The following PRKN variants were observed in gnomAD, a reference collection of about 807,000 sequenced individuals.
PRKN encodes the protein parkin RBR E3 ubiquitin protein ligase.
In PRKN, 56 loss-of-function variants were observed where a neutral mutation model predicts 59.5. That is an observed-to-expected ratio of 0.94 (90% CI 0.76 to 1.18). PRKN has a LOEUF of 1.18. PRKN is among the 50% of genes most tolerant of loss of function. PRKN has a pLI of 0.00. For synonymous variants in PRKN, 250 were observed against 222.1 expected, an observed-to-expected ratio of 1.13 and a Z score of -1.12; for missense variants, 657 against 596.4, an observed-to-expected ratio of 1.10 and a Z score of -1.06.
intron 7 of PRKN, among the ~76,000 whole-genome samples, chr6:161,635,192 C>A (rs1316690918): frequency 3.3e-5 from 5 of 152,198 alleles, no homozygotes; most frequent in Admixed American, 1.3e-4. Context: ...TTTCTGGTTT[C>A]TAATCCAGAT....
At chr6:161,950,232 C>G (rs1378427391) in intron 6 of PRKN, among the ~76,000 whole-genome samples, 1 of 152,146 alleles carries the variant, frequency 6.6e-6, no homozygotes, top group East Asian at 1.9e-4. Flanking sequence ...CATGAATGGA[C>G]CCAACCATAT....
intron 1 of PRKN, among the ~76,000 whole-genome samples, chr6:162,501,691 T>C (rs190202690): frequency 1.3e-5 from 2 of 152,102 alleles, no homozygotes; most frequent in African/African-American, 4.8e-5. Flanking sequence ...CTCTGGAATA[T>C]GTTTACAAGG....
chr6:162,644,399 A>G (rs1484697561), intron 1 of PRKN, among the ~76,000 whole-genome samples: 1 of 152,180 alleles, frequency 6.6e-6, no homozygotes, highest in Non-Finnish European at 1.5e-5. Context: ...ATTCTGTCTT[A>G]TACTCAGTAT....
At chr6:162,235,961 G>GAAAGAAAGAAAGAAAGAAAGAAAGAA (rs1778661194) in intron 3 of PRKN, among the ~76,000 whole-genome samples, 1 of 54,356 alleles carries the variant, frequency 1.8e-5, no homozygotes, top group African/African-American at 9.0e-5. Context: ...AAGAAAGGAA[G>GAAAGAAAGAAAGAAAGAAAGAAAGAA]AAAGAAAGAA....
intron 2 of PRKN, among the ~76,000 whole-genome samples, chr6:162,298,473 C>A (rs1417989616): frequency 1.3e-5 from 2 of 151,868 alleles, no homozygotes; most frequent in African/African-American, 2.4e-5. Context: ...GTACTGTTTT[C>A]TTCTGGAATC....
intron 4 of PRKN, among the ~76,000 whole-genome samples, chr6:162,123,435 T>C (rs796750920): frequency 2.8e-4 from 43 of 152,360 alleles, no homozygotes; most frequent in African/African-American, 7.9e-4. Context: ...GAATACAGTG[T>C]AAATATAGGT....
Position 161,362,605 on chromosome 6 carries a change from A to G in PRKN, c.1168-2400T>C, listed in dbSNP as rs1265043389. Among the ~76,000 whole-genome samples, 1 of 152,266 alleles carries G rather than the reference A, an allele frequency of 6.6e-6. No homozygotes were observed. Among genetic ancestry groups the G allele is most frequent in the Admixed American group, 6.5e-5 (1 of 15,292 alleles). ...AGGTTTGGAAAACATTTTTCTGAACATTCCTAACCATCAGGCCTCGGACAC... is the reference window on the plus strand; with the variant it reads ...AGGTTTGGAAAACATTTTTCTGAACGTTCCTAACCATCAGGCCTCGGACAC... On this transcript the variant is annotated intron_variant, in intron 10 of 11. Transcript: ENST00000366898. This position sits in a 1 kb window ranked among gnomAD's most constrained non-coding sequence, Gnocchi z 5.2.
At chr6:161,906,659 C>CATATATATATATAATATATAT (rs1297131189) in intron 6 of PRKN, among the ~76,000 whole-genome samples, 2 of 116,586 alleles carry the variant, frequency 1.7e-5, no homozygotes, top group African/African-American at 7.1e-5. Flanking sequence ...ATAGAACATA[C>CATATATATATATAATATATAT]ATATATATAT....
At chr6:162,165,814 C>T (rs1284601675) in intron 4 of PRKN, among the ~76,000 whole-genome samples, 9 of 151,552 alleles carry the variant, frequency 5.9e-5, no homozygotes, top group African/African-American at 9.7e-5. Context: ...TTTGGGAGGC[C>T]GAGGCAGGCG....
At chr6:161,974,628 C>A (rs1327395826) in intron 5 of PRKN, among the ~76,000 whole-genome samples, 1 of 151,956 alleles carries the variant, frequency 6.6e-6, no homozygotes, top group African/African-American at 2.4e-5. Flanking sequence ...GTCTGCATGC[C>A]TTCCATGATA....
At chr6:161,610,615 C>T (rs1398340936) in intron 7 of PRKN, among the ~76,000 whole-genome samples, 2 of 151,084 alleles carry the variant, frequency 1.3e-5, no homozygotes, top group Admixed American at 1.3e-4. Flanking sequence ...CTCAAACAAC[C>T]CAGGATGTTG....
chr6:162,236,753 C>T (rs1332294054), intron 3 of PRKN, among the ~76,000 whole-genome samples: 1 of 151,630 alleles, frequency 6.6e-6, no homozygotes, highest in Non-Finnish European at 1.5e-5. Context: ...CGAGATTGCA[C>T]CATTGCACTC....
At chr6:162,032,813 A>G (rs1413985585) in intron 5 of PRKN, among the ~76,000 whole-genome samples, 1 of 152,194 alleles carries the variant, frequency 6.6e-6, no homozygotes, top group African/African-American at 2.4e-5. Flanking sequence ...CCACACTTAC[A>G]GTGGTATCCT....
intron 6 of PRKN, among the ~76,000 whole-genome samples, chr6:161,946,414 A>ACACACACACACTCTCTCTCT (rs1247187053): frequency 1.7e-5 from 2 of 114,376 alleles, no homozygotes; most frequent in East Asian, 2.7e-4. Flanking sequence ...ACACACACAC[A>ACACACACACACTCTCTCTCT]CTCTCTCTCT....
chr6:161,575,453 G>A lies in PRKN; in HGVS notation c.872-6037C>T, dbSNP rs958728027. On this transcript the variant is annotated intron_variant, in intron 7 of 11. Coordinates refer to ENST00000366898, the MANE Select transcript of PRKN (RefSeq NM_004562.3). The surrounding 1 kb of genome is among the most constrained non-coding windows in gnomAD (Gnocchi z 4.6). Reference sequence around the variant, plus strand: ...TTTGAGAGATTAACTGAGCCATAATGTTTTCAGAAAGCTTTCGGTGAATTT... The same window carrying A: ...TTTGAGAGATTAACTGAGCCATAATATTTTCAGAAAGCTTTCGGTGAATTT... Among the ~76,000 whole-genome samples the A allele has an allele frequency of 6.6e-6, 1 of 152,166 alleles. No homozygotes were observed. The highest frequency in any genetic ancestry group is 6.5e-5 in the Admixed American group (1 of 15,280).
intron 1 of PRKN, among the ~76,000 whole-genome samples, chr6:162,615,952 C>T (rs1459440379): frequency 6.6e-6 from 1 of 152,114 alleles, no homozygotes; most frequent in Non-Finnish European, 1.5e-5. Flanking sequence ...TTCTTTAGTC[C>T]TAAACCAAGA....
chr6:162,316,050 A>C (rs1782740448), intron 2 of PRKN, among the ~76,000 whole-genome samples: 1 of 152,086 alleles, frequency 6.6e-6, no homozygotes, highest in African/African-American at 2.4e-5. Flanking sequence ...TGGCCCTGGA[A>C]GGGCATGGGT....
At chr6:162,399,857 AAGAT>A (rs1442739182) in intron 2 of PRKN, among the ~76,000 whole-genome samples, 4 of 152,170 alleles carry the variant, frequency 2.6e-5, no homozygotes, top group African/African-American at 7.2e-5. Flanking sequence ...TACAAGGAAA[AAGAT>A]AGAAAAAAGA....
intron 7 of PRKN, among the ~76,000 whole-genome samples, chr6:161,663,716 T>A (rs551712509): frequency 6.6e-6 from 1 of 152,242 alleles, no homozygotes; most frequent in Non-Finnish European, 1.5e-5. Flanking sequence ...TCACTTTATG[T>A]ATGATTTTAA....
Sources: allele counts gnomAD v4.1 joint callset (sites outside exome capture counted in the v4.1 genomes callset), GRCh38; gene constraint gnomAD v4.1.1; non-coding constraint Gnocchi (gnomAD v3.1); transcripts MANE v1.5; gene names NCBI Gene and HGNC (gene_info 2026-07-23, HGNC 2026-07-21).